PCDH15: variants seen among roughly 807,000 people sequenced by gnomAD.
PCDH15 encodes the protein protocadherin-15.
In PCDH15, 129 loss-of-function variants were observed where a neutral mutation model predicts 178.5. The observed-to-expected ratio is 0.72, with a 90% confidence interval of 0.63 to 0.84. PCDH15 has a LOEUF of 0.84. PCDH15 is among the 40% of genes least tolerant of loss of function. The pLI is 0.00. For missense variants in PCDH15, 2,230 were observed against 2,099.9 expected, an observed-to-expected ratio of 1.06 and a Z score of -1.21; for synonymous variants, 800 against 732.0, an observed-to-expected ratio of 1.09 and a Z score of -1.50.
At chr10:55,157,091 T>C (rs1015935287) in intron 2 of PCDH15, among the ~76,000 whole-genome samples, 1 of 151,352 alleles carries the variant, frequency 6.6e-6, no homozygotes, top group African/African-American at 2.4e-5. Flanking sequence ...TAATAAAGTA[T>C]CTTAACACAT....
intron 2 of PCDH15, among the ~76,000 whole-genome samples, chr10:54,602,911 A>G (rs977236918): frequency 1.1e-4 from 16 of 151,932 alleles, no homozygotes; most frequent in African/African-American, 3.9e-4. Flanking sequence ...CATCAAGGTT[A>G]CTGGCCTGTA....
At chr10:55,610,316 A>G (rs188660034) in intron 2 of PCDH15, among the ~76,000 whole-genome samples, 1 of 152,232 alleles carries the variant, frequency 6.6e-6, no homozygotes, top group Admixed American at 6.5e-5. Flanking sequence ...CTTAATTGGA[A>G]CTAATCATTC....
intron 37 of PCDH15, among the ~76,000 whole-genome samples, chr10:53,809,803 A>G (rs10763007): frequency 6.6e-6 from 1 of 151,478 alleles, no homozygotes; most frequent in African/African-American, 2.4e-5. Context: ...TCAACGTTTA[A>G]TTTTCCTCTT....
intron 3 of PCDH15, among the ~76,000 whole-genome samples, chr10:54,896,046 C>T (rs1257101463): frequency 6.6e-6 from 1 of 151,926 alleles, no homozygotes; most frequent in Non-Finnish European, 1.5e-5. Flanking sequence ...GTCACCACAG[C>T]CAGCTAATTT....
At chr10:54,362,180 C>T (rs936327770) in intron 5 of PCDH15, among the ~76,000 whole-genome samples, 1 of 151,738 alleles carries the variant, frequency 6.6e-6, no homozygotes, top group Non-Finnish European at 1.5e-5. Context: ...TGTAAAATAC[C>T]TTTATTTCAT....
At chr10:53,808,683 T>A in intron 37 of PCDH15, 2 of 1,609,730 alleles carry the variant, frequency 1.2e-6, no homozygotes, top group African/African-American at 1.3e-5. Flanking sequence ...CCACCTACTG[T>A]GATCTCTTTC....
chr10:54,845,832 A>G (rs757910781), intron 3 of PCDH15, among the ~76,000 whole-genome samples: 7 of 152,120 alleles, frequency 4.6e-5, no homozygotes, highest in Non-Finnish European at 1.0e-4. Context: ...TTGGAAGTCA[A>G]AATGACTGGA....
chr10:54,398,707 C>CTGCTG (rs768425889), intron 3 of PCDH15, among the ~76,000 whole-genome samples: 1 of 151,896 alleles, frequency 6.6e-6, no homozygotes, highest in Non-Finnish European at 1.5e-5. Flanking sequence ...ATTTTATTTG[C>CTGCTG]TGCTGGATTA....
At position 54,026,304 on chromosome 10, in the gene PCDH15, G is replaced by A. The variant is rs562989238; in HGVS notation, c.2221-3107C>T. 1.2e-4 allele frequency among the ~76,000 whole-genome samples: 19 copies of A among 152,042 alleles called. No homozygotes were observed. In the East Asian group the frequency reaches 2.1e-3, roughly 17 times the overall value. On this transcript the variant is annotated intron_variant, in intron 18 of 37. Transcript: ENST00000644397. ...AGGTCAGTTTTGAACTTCTGGGCTT[G>A]AGCCATCCTCCCCCTTTGGCTTCTC...
chr10:53,844,959 A>G (rs2077878909), intron 28 of PCDH15, among the ~76,000 whole-genome samples: 1 of 152,028 alleles, frequency 6.6e-6, no homozygotes, highest in Non-Finnish European at 1.5e-5. Flanking sequence ...AATAAGAGAA[A>G]ATATTTGCAA....
intron 2 of PCDH15, among the ~76,000 whole-genome samples, chr10:55,480,675 T>C (rs952621694): frequency 6.6e-6 from 1 of 151,906 alleles, no homozygotes; most frequent in African/African-American, 2.4e-5. Context: ...ATTCTTGGGA[T>C]GAAGCCTATT....
At chr10:53,964,682 A>G (rs915617444) in intron 21 of PCDH15, among the ~76,000 whole-genome samples, 1 of 152,124 alleles carries the variant, frequency 6.6e-6, no homozygotes, top group African/African-American at 2.4e-5. Context: ...GTTCTGGGAT[A>G]ATATTTTTAT....
intron 21 of PCDH15, among the ~76,000 whole-genome samples, chr10:53,993,771 G>C (rs2926404): frequency 6.6e-6 from 1 of 152,104 alleles, no homozygotes; most frequent in Non-Finnish European, 1.5e-5. Flanking sequence ...AAGGGTCCCA[G>C]TTTGCAACAA....
At chr10:53,812,617 C>T (rs2075911531) in intron 35 of PCDH15, among the ~76,000 whole-genome samples, 1 of 152,112 alleles carries the variant, frequency 6.6e-6, no homozygotes, top group African/African-American at 2.4e-5. Context: ...TTCTGTCAAA[C>T]TCTACTTATA....
At chr10:55,363,759 C>T (rs1845288274) in intron 2 of PCDH15, among the ~76,000 whole-genome samples, 1 of 152,006 alleles carries the variant, frequency 6.6e-6, no homozygotes, top group African/African-American at 2.4e-5. Flanking sequence ...CATCAGCCTA[C>T]CAAGTAGCCA....
chr10:53,988,828 C>T (rs2091280706), intron 21 of PCDH15, among the ~76,000 whole-genome samples: 1 of 152,094 alleles, frequency 6.6e-6, no homozygotes, highest in South Asian at 2.1e-4. Flanking sequence ...TCTTATTCCC[C>T]ACTCCCGAAA....
At chr10:54,301,587 C>T (rs1444113732) in intron 8 of PCDH15, among the ~76,000 whole-genome samples, 1 of 152,142 alleles carries the variant, frequency 6.6e-6, no homozygotes, top group Non-Finnish European at 1.5e-5. Context: ...GGAATGGCTT[C>T]CTGAGTTCTC....
chr10:54,379,241 A>G (rs1948873473), intron 3 of PCDH15, among the ~76,000 whole-genome samples: 2 of 152,146 alleles, frequency 1.3e-5, no homozygotes, highest in South Asian at 4.1e-4. Flanking sequence ...CACTTCTCAC[A>G]GGAGTTATCA....
At chr10:55,042,605 A>T (rs1840892367) in intron 2 of PCDH15, among the ~76,000 whole-genome samples, 1 of 152,146 alleles carries the variant, frequency 6.6e-6, no homozygotes, top group African/African-American at 2.4e-5. Flanking sequence ...AAATAATTCA[A>T]AATACATTAG....
Sources: allele counts gnomAD v4.1 joint callset (sites outside exome capture counted in the v4.1 genomes callset), GRCh38; gene constraint gnomAD v4.1.1; transcripts MANE v1.5; gene names NCBI Gene and HGNC (gene_info 2026-07-23, HGNC 2026-07-21).